The following MACROD2 variants were observed in gnomAD, a reference collection of about 807,000 sequenced individuals.
MACROD2 encodes mono-ADP ribosylhydrolase 2.
MACROD2 carries 36 observed loss-of-function variants against 70.4 expected under a neutral mutation model. The ratio of observed to expected loss-of-function variants is 0.51; its 90% CI spans 0.39 to 0.68. MACROD2 has a LOEUF of 0.68. MACROD2 is among the 30% of genes least tolerant of loss of function. The pLI, the probability that MACROD2 is intolerant of heterozygous loss-of-function variation, is 0.00. For missense variants in MACROD2, 496 were observed against 538.4 expected (o/e 0.92, Z 0.78); for synonymous variants, 172 against 178.8 (o/e 0.96, Z 0.30).
At chr20:15,286,270 C>T (rs778134324) in intron 6 of MACROD2, among the ~76,000 whole-genome samples, 3 of 151,982 alleles carry the variant, frequency 2.0e-5, no homozygotes, top group East Asian at 3.9e-4. Flanking sequence ...TAAATATCTT[C>T]GAGAAGCTTG....
rs563524701 is a variant in MACROD2, at chr20:14,293,669, T to C, written c.272-199810T>C. On this transcript the variant is annotated intron_variant, in intron 3 of 17. Coordinates refer to ENST00000684519, the MANE Select transcript of MACROD2 (RefSeq NM_001351661.2). Reference sequence around the variant, plus strand: ...GTAAAGAGTGTGGACTTTATTCTTATTGCAGTGGGAAGCCATTGGAGGTTT... The same window carrying C: ...GTAAAGAGTGTGGACTTTATTCTTACTGCAGTGGGAAGCCATTGGAGGTTT... Among the ~76,000 whole-genome samples the C allele has an allele frequency of 2.6e-5, 4 of 151,948 alleles. No individual in the cohort carries two copies. The East Asian group carries it at 5.8e-4, about 22-fold the overall frequency.
At chr20:15,645,994 A>C (rs455509) in intron 8 of MACROD2, among the ~76,000 whole-genome samples, 53,341 of 151,958 alleles carry the variant, frequency 0.35, 13,027 homozygotes, top group African/African-American at 0.68. Context: ...CAAAAGAATG[A>C]CTGGTATTCT....
chr20:14,581,530 C>A (rs1039103474), intron 4 of MACROD2, among the ~76,000 whole-genome samples: 4 of 151,986 alleles, frequency 2.6e-5, no homozygotes, highest in African/African-American at 9.7e-5. Context: ...TTAAAATATC[C>A]CTTTTATTGG....
chr20:14,134,801 C>A (rs1307640338), intron 3 of MACROD2, among the ~76,000 whole-genome samples: 449 of 98,316 alleles, frequency 4.6e-3, no homozygotes, highest in Middle Eastern at 7.1e-3. Context: ...GACTCCGTGT[C>A]AAAAAAAAAA....
At chr20:14,767,155 C>T (rs927098688) in intron 5 of MACROD2, among the ~76,000 whole-genome samples, 5 of 152,022 alleles carry the variant, frequency 3.3e-5, no homozygotes, top group Admixed American at 3.3e-4. Context: ...ATAACAAGAT[C>T]CCATCTGTAC....
rs571574728 is a variant in MACROD2 at position 14,115,998 on chromosome 20, A to G, written c.271+30270A>G. Among the ~76,000 whole-genome samples, 17 of 152,272 alleles carry G rather than the reference A, an allele frequency of 1.1e-4. 1 individual carries two copies. Among genetic ancestry groups the G allele is most frequent in the Middle Eastern group, 3.4e-3 (1 of 294 alleles). On this transcript the variant is annotated intron_variant, in intron 3 of 17. Transcript: ENST00000684519. Reference sequence around the variant, plus strand: ...TAATGAGCCATTTGTGGAGACACCGACCAGATTGCCCTGCATTGTGATAGA... The same window carrying G: ...TAATGAGCCATTTGTGGAGACACCGGCCAGATTGCCCTGCATTGTGATAGA...
At chr20:14,935,950 C>G (rs547632479) in intron 5 of MACROD2, among the ~76,000 whole-genome samples, 1 of 152,284 alleles carries the variant, frequency 6.6e-6, no homozygotes, top group East Asian at 1.9e-4. Flanking sequence ...ACCCATCCTT[C>G]CTTCTTTTCT....
At chr20:14,960,114 T>C (rs2074570555) in intron 5 of MACROD2, among the ~76,000 whole-genome samples, 1 of 152,202 alleles carries the variant, frequency 6.6e-6, no homozygotes, top group East Asian at 1.9e-4. Context: ...TCCTGATTCC[T>C]TATATTCCTG....
intron 3 of MACROD2, among the ~76,000 whole-genome samples, chr20:14,410,628 C>G (rs1056727970): frequency 1.3e-5 from 2 of 152,142 alleles, no homozygotes; most frequent in Admixed American, 6.6e-5. Context: ...CCAAATGATG[C>G]TAACCTTCAA....
intron 6 of MACROD2, among the ~76,000 whole-genome samples, chr20:15,237,920 C>T (rs1458608745): frequency 6.6e-6 from 1 of 152,082 alleles, no homozygotes; most frequent in Non-Finnish European, 1.5e-5. Context: ...AGAGTGACAG[C>T]AAGGGTATTT....
intron 8 of MACROD2, among the ~76,000 whole-genome samples, chr20:15,636,813 T>A (rs2146764118): frequency 6.6e-6 from 1 of 152,122 alleles, no homozygotes; most frequent in Non-Finnish European, 1.5e-5. Context: ...ATGTTTTGCC[T>A]GAGAAGGTAT....
At chr20:14,343,447 A>G (rs755649517) in intron 3 of MACROD2, among the ~76,000 whole-genome samples, 6 of 152,174 alleles carry the variant, frequency 3.9e-5, no homozygotes, top group Non-Finnish European at 8.8e-5. Context: ...TGGTGGATGT[A>G]ATAGTTCACT....
intron 3 of MACROD2, among the ~76,000 whole-genome samples, chr20:14,398,558 GTCT>G (rs2083604952): frequency 2.6e-5 from 4 of 152,086 alleles, no homozygotes; most frequent in Admixed American, 2.6e-4. Flanking sequence ...GCATTTGTAT[GTCT>G]TCTTTTGGAA....
chr20:14,848,974 A>G (rs2073171465), intron 5 of MACROD2, among the ~76,000 whole-genome samples: 1 of 152,098 alleles, frequency 6.6e-6, no homozygotes, highest in African/African-American at 2.4e-5. Flanking sequence ...TCTCACAGGA[A>G]CAGCATTCTG....
At chr20:16,018,098 G>C (rs2066953253) in intron 15 of MACROD2, among the ~76,000 whole-genome samples, 1 of 152,148 alleles carries the variant, frequency 6.6e-6, no homozygotes, top group Non-Finnish European at 1.5e-5. Flanking sequence ...TTGAGAGATG[G>C]GGAATATGGA....
At chr20:14,589,539 G>A (rs982525001) in intron 4 of MACROD2, among the ~76,000 whole-genome samples, 24 of 152,136 alleles carry the variant, frequency 1.6e-4, no homozygotes, top group African/African-American at 5.1e-4. Flanking sequence ...CAGTTTTAAC[G>A]TTTCTGTAGC....
At chr20:15,943,011 A>G (rs2065771720) in intron 12 of MACROD2, among the ~76,000 whole-genome samples, 1 of 152,190 alleles carries the variant, frequency 6.6e-6, no homozygotes, top group African/African-American at 2.4e-5. Flanking sequence ...TGTTTTTGGT[A>G]TTTATGAAAT....
chr20:15,256,226 ACT>A (rs1245469316), intron 6 of MACROD2, among the ~76,000 whole-genome samples: 54 of 151,810 alleles, frequency 3.6e-4, no homozygotes, highest in African/African-American at 1.2e-3. Context: ...TGCAGCTCTT[ACT>A]CTCCTCTTCT....
chr20:14,607,558 C>G (rs1040192817), intron 4 of MACROD2, among the ~76,000 whole-genome samples: 2 of 152,192 alleles, frequency 1.3e-5, no homozygotes, highest in Admixed American at 1.3e-4. Flanking sequence ...GCCTCCTCCT[C>G]TTTATTCTGT....
Sources: gnomAD v4.1 joint callset for allele counts (sites outside exome capture counted in the v4.1 genomes callset) on GRCh38, gnomAD v4.1.1 for gene constraint, MANE v1.5 for transcripts, NCBI Gene and HGNC (gene_info 2026-07-23, HGNC 2026-07-21) for gene names.